The following TLE4 variants were observed in gnomAD, a reference collection of about 807,000 sequenced individuals.
TLE4 encodes the protein TLE family member 4, transcriptional corepressor, also known as transducin-like enhancer protein 4.
TLE4 carries 8 observed loss-of-function variants against 92.8 expected under a neutral mutation model. The ratio of observed to expected loss-of-function variants is 0.09; its 90% confidence interval spans 0.05 to 0.16. The LOEUF is 0.16. Among genes scored for constraint, TLE4 ranks in the 10% least tolerant of loss-of-function variants. The probability of loss-of-function intolerance (pLI) is 1.00; values close to 1 mark genes in which losing one functional copy is unlikely to be tolerated. For missense variants in TLE4, 675 were observed against 997.6 expected, an observed-to-expected ratio of 0.68 and a Z score of 4.36; for synonymous variants, 371 against 374.1, an observed-to-expected ratio of 0.99 and a Z score of 0.10.
At chr9:79,606,293 AC>A (rs1461716689) in intron 4 of TLE4, among the ~76,000 whole-genome samples, 1 of 114,918 alleles carries the variant, frequency 8.7e-6, no homozygotes, top group Non-Finnish European at 1.7e-5. Context: ...TACTGACGAT[AC>A]CTTTGGTCTA....
chr9:79,601,702 G>T (rs552146821), intron 4 of TLE4, among the ~76,000 whole-genome samples: 2 of 151,908 alleles, frequency 1.3e-5, no homozygotes, highest in Non-Finnish European at 2.9e-5. Flanking sequence ...CTCTCCTCAG[G>T]CTTCCCCATT....
intron 8 of TLE4, among the ~76,000 whole-genome samples, chr9:79,662,880 T>C (rs924374993): frequency 2.6e-5 from 4 of 152,216 alleles, no homozygotes; most frequent in African/African-American, 9.6e-5. Context: ...CTGTTGCTTC[T>C]ATTGATCTAT....
At chr9:79,671,308 C>T (rs1268717801) in intron 8 of TLE4, 2 of 455,744 alleles carry the variant, frequency 4.4e-6, no homozygotes, top group Non-Finnish European at 8.8e-6. Context: ...AAGACATTCA[C>T]CTGCCATGCT....
At chr9:79,664,962 A>G (rs1465915476) in intron 8 of TLE4, among the ~76,000 whole-genome samples, 1 of 152,140 alleles carries the variant, frequency 6.6e-6, no homozygotes, top group Non-Finnish European at 1.5e-5. Context: ...AGAATATTAC[A>G]TATGAAATGT....
intron 19 of TLE4, among the ~76,000 whole-genome samples, 188 bp from the exon 20 acceptor site, chr9:79,724,849 T>TAAAA (rs947971071): frequency 0.28 from 7,099 of 25,532 alleles, 2,764 homozygotes; most frequent in East Asian, 0.37. Context: ...CCTGTCTTAT[T>TAAAA]AAAAAAAAAA....
intron 6 of TLE4, chr9:79,649,772 T>A: frequency 7.4e-7 from 1 of 1,343,562 alleles, no homozygotes; most frequent in Admixed American, 2.1e-5. Flanking sequence ...CTTTGAAAAG[T>A]TCTGGTCCAA....
intron 8 of TLE4, among the ~76,000 whole-genome samples, chr9:79,668,994 C>G (rs931712286): frequency 6.6e-6 from 1 of 152,132 alleles, no homozygotes; most frequent in Admixed American, 6.5e-5. Flanking sequence ...CGGAGAAGCC[C>G]GCCATCCTTC....
At chr9:79,597,604 C>A (rs981087949) in intron 4 of TLE4, among the ~76,000 whole-genome samples, 1 of 152,104 alleles carries the variant, frequency 6.6e-6, no homozygotes, top group African/African-American at 2.4e-5. Context: ...CTTAGTGATT[C>A]CTATCTGAGG....
intron 3 of TLE4, chr9:79,575,746 C>T (rs961991041): frequency 7.4e-5 from 12 of 162,868 alleles, no homozygotes; most frequent in Admixed American, 2.6e-4. Flanking sequence ...CTTTTCCAAC[C>T]TTCCTTTCAA....
At chr9:79,626,436 T>C (rs1191333343) in intron 5 of TLE4, among the ~76,000 whole-genome samples, 3 of 152,228 alleles carry the variant, frequency 2.0e-5, no homozygotes, top group Non-Finnish European at 2.9e-5. Context: ...GGTTCTTCAT[T>C]CACTAAACCA....
intron 8 of TLE4, among the ~76,000 whole-genome samples, chr9:79,658,970 T>C (rs1375739947): frequency 6.6e-6 from 1 of 152,172 alleles, no homozygotes; most frequent in Non-Finnish European, 1.5e-5. Context: ...CTTCAGCATA[T>C]CCACTGTAAC....
intron 19 of TLE4, among the ~76,000 whole-genome samples, 188 bp from the exon 20 acceptor site, chr9:79,724,849 T>TTAAAAA (rs1554811338): frequency 3.8e-5 from 1 of 25,978 alleles, no homozygotes; most frequent in Admixed American, 6.0e-4. Context: ...CCTGTCTTAT[T>TTAAAAA]AAAAAAAAAA....
intron 4 of TLE4, among the ~76,000 whole-genome samples, chr9:79,579,738 G>T (rs1347913917): frequency 6.6e-6 from 1 of 152,242 alleles, no homozygotes; most frequent in South Asian, 2.1e-4. Context: ...TTAAAGCCAT[G>T]TAAATTTTAT....
chr9:79,606,187 GTTTTTTTTTTTTTTTTTTTTTT>G lies in TLE4; in HGVS notation c.253-6452_253-6431del, dbSNP rs71364420. 3.8e-4 allele frequency among the ~76,000 whole-genome samples: 11 copies of G among 28,716 alleles called. 1 individual carries two copies. Among genetic ancestry groups the G allele is most frequent in the African/African-American group, 9.3e-4 (7 of 7,496 alleles). 18.8% of individuals were successfully genotyped at this position (28,716 alleles called of 152,430 possible). A position where few individuals can be genotyped will look rare whatever the true frequency, so the allele number is the denominator to read the frequency against. ...ATTGCTTTATTAAGCAGTAGTAGTT[GTTTTTTTTTTTTTTTTTTTTTT>G]TTTTTTTTTTTTTTTTAACAAGCAC... On this transcript the variant is annotated intron_variant, in intron 4 of 19. Transcript: ENST00000376552.
intron 8 of TLE4, among the ~76,000 whole-genome samples, chr9:79,703,842 A>T (rs1176099709): frequency 6.6e-6 from 1 of 152,208 alleles, no homozygotes; most frequent in Non-Finnish European, 1.5e-5. Flanking sequence ...AGGCCCTAAC[A>T]TATGGCGCTG....
chr9:79,696,686 T>C (rs2068346659), intron 8 of TLE4, among the ~76,000 whole-genome samples: 1 of 152,180 alleles, frequency 6.6e-6, no homozygotes, highest in Admixed American at 6.5e-5. Flanking sequence ...AAGACTTTCT[T>C]TTCTAATAAA....
At chr9:79,721,493 C>T (rs1189251683) in intron 16 of TLE4, among the ~76,000 whole-genome samples, 1 of 152,116 alleles carries the variant, frequency 6.6e-6, no homozygotes, top group Non-Finnish European at 1.5e-5. Flanking sequence ...TTAGTAATAT[C>T]AGTCATGTTT....
intron 4 of TLE4, among the ~76,000 whole-genome samples, chr9:79,602,232 C>G (rs188646562): frequency 6.6e-6 from 1 of 152,324 alleles, no homozygotes; most frequent in East Asian, 1.9e-4. Context: ...GAATCTGCAG[C>G]AAGTTATCTA....
chr9:79,610,781 A>G (rs2048186534), intron 4 of TLE4, among the ~76,000 whole-genome samples: 2 of 152,044 alleles, frequency 1.3e-5, no homozygotes, highest in Admixed American at 6.6e-5. Context: ...CTCAGACTTA[A>G]TACAGCCTAG....
Sources: gnomAD v4.1 joint callset for allele counts (sites outside exome capture counted in the v4.1 genomes callset) on GRCh38, gnomAD v4.1.1 for gene constraint, MANE v1.5 for transcripts, NCBI Gene and HGNC (gene_info 2026-07-23, HGNC 2026-07-21) for gene names.